The following ZDHHC7 variants were observed in gnomAD, a reference collection of about 807,000 sequenced individuals.
ZDHHC7 encodes the protein zDHHC palmitoyltransferase 7, also known as palmitoyltransferase ZDHHC7.
ZDHHC7 carries 12 observed loss-of-function variants against 34.1 expected under a neutral mutation model. The ratio of observed to expected loss-of-function variants is 0.35; its 90% CI spans 0.23 to 0.57. The LOEUF is 0.57. Ranked by LOEUF, ZDHHC7 falls within the 20% of genes least tolerant of loss-of-function variation. The pLI, the probability that ZDHHC7 is intolerant of heterozygous loss-of-function variation, is 0.84. For synonymous variants in ZDHHC7, 185 were observed against 155.4 expected, an observed-to-expected ratio of 1.19 and a Z score of -1.42; for missense variants, 388 against 402.7, an observed-to-expected ratio of 0.96 and a Z score of 0.31.
chr16:84,989,009 A>G, intron 3 of ZDHHC7: 2 of 856,710 alleles, frequency 2.3e-6, no homozygotes, highest in Admixed American at 2.2e-5. Flanking sequence ...GAGAGGGCGG[A>G]GACACACAGG....
chr16:84,993,373 T>C (rs2072534939), intron 2 of ZDHHC7, among the ~76,000 whole-genome samples: 1 of 152,076 alleles, frequency 6.6e-6, no homozygotes, highest in Admixed American at 6.6e-5. Flanking sequence ...GGCTTACACC[T>C]GTAATCTCAG....
intron 1 of ZDHHC7, among the ~76,000 whole-genome samples, chr16:84,997,905 A>AAAC: frequency 6.7e-6 from 1 of 150,102 alleles, no homozygotes; most frequent in South Asian, 2.1e-4. Context: ...TAAAAAAAAA[A>AAAC]AAAAAAAAAA....
intron 3 of ZDHHC7, among the ~76,000 whole-genome samples, chr16:84,983,421 C>T (rs2072396058): frequency 6.6e-6 from 1 of 152,130 alleles, no homozygotes; most frequent in Admixed American, 6.5e-5. Context: ...AGCAGGTGAG[C>T]GCCCTGCAGA....
the ZDHHC7 span, among the ~76,000 whole-genome samples, chr16:85,019,735 A>T: frequency 4.6e-5 from 7 of 152,062 alleles, no homozygotes; most frequent in Admixed American, 4.6e-4. Context: ...TAAATAATAA[A>T]AACTTTTGAA....
chr16:85,007,422 C>CAAAAA (rs138373927), intron 1 of ZDHHC7, among the ~76,000 whole-genome samples: 1 of 85,500 alleles, frequency 1.2e-5, no homozygotes. Flanking sequence ...TACTCCATCT[C>CAAAAA]AAAAAAAAAA....
At chr16:85,005,392 G>C (rs2072705428) in intron 1 of ZDHHC7, among the ~76,000 whole-genome samples, 1 of 152,208 alleles carries the variant, frequency 6.6e-6, no homozygotes, top group Non-Finnish European at 1.5e-5. Flanking sequence ...TGAGAAGAAA[G>C]GCTATTTACT....
At chr16:85,006,182 C>T (rs2072714720) in intron 1 of ZDHHC7, among the ~76,000 whole-genome samples, 1 of 151,790 alleles carries the variant, frequency 6.6e-6, no homozygotes, top group African/African-American at 2.4e-5. Flanking sequence ...CATAGCGAGA[C>T]CCTATCTCTA....
At position 84,990,364 on chromosome 16, in the gene ZDHHC7, G is replaced by C. The variant is rs2072492839; in HGVS notation, c.255C>G (p.Ile85Met). ...DFWYSVVNGV[I>M]FNCLAVLALS... ...GGGCAAGCACGGCCAAGCAGTTAAA[G>C]ATGACCCCGTTGACCACAGAGTACC... is the stretch of plus-strand genomic sequence containing the variant. The change falls in exon 3 of 8, where the codon ATC becomes ATG. Residue 85 changes from isoleucine to methionine, a missense_variant. Ile to Met is a conservative substitution (Grantham distance 10). Coordinates refer to ENST00000313732, the MANE Select transcript of ZDHHC7 (RefSeq NM_017740.3). 10 of 1,614,152 alleles carry C rather than the reference G, an allele frequency of 6.2e-6. No homozygotes were observed. The highest frequency in any genetic ancestry group is 8.5e-6 in the Non-Finnish European group (10 of 1,180,030).
chr16:85,014,214 T>C (rs1372839774), upstream of ZDHHC7, among the ~76,000 whole-genome samples: 2 of 152,156 alleles, frequency 1.3e-5, no homozygotes, highest in Non-Finnish European at 2.9e-5. Context: ...TTATTCAAGC[T>C]CAAAGTTTCA....
chr16:85,003,655 G>T (rs889621305), intron 1 of ZDHHC7, among the ~76,000 whole-genome samples: 4 of 152,140 alleles, frequency 2.6e-5, no homozygotes, highest in African/African-American at 9.7e-5. Flanking sequence ...AGATCTCAAT[G>T]ATATGCTGGC....
the ZDHHC7 span, among the ~76,000 whole-genome samples, chr16:85,025,389 G>A: frequency 2.0e-5 from 3 of 150,894 alleles, no homozygotes. Context: ...CAACCCCAGA[G>A]CCTTTTATGT....
At position 84,988,674 on chromosome 16, in the gene ZDHHC7, G is replaced by C. The variant is rs1231082701; in HGVS notation, c.315+1630C>G. On this transcript the variant is annotated intron_variant, in intron 3 of 7. Coordinates refer to ENST00000313732, the MANE Select transcript of ZDHHC7 (RefSeq NM_017740.3). ...TAGAGTCTGAGCGCAGAGGAGGAAG[G>C]GGCAAGTGCGCTTGTCAGCAAAGAG... is the stretch of plus-strand genomic sequence containing the variant. 2.7e-6 allele frequency: 3 copies of C among 1,124,560 alleles called. No homozygotes were observed. In the East Asian group the frequency reaches 7.8e-5, roughly 29 times the overall value. 69.7% of individuals were successfully genotyped at this position (1,124,560 alleles called of 1,614,324 possible).
intron 1 of ZDHHC7, among the ~76,000 whole-genome samples, chr16:85,010,179 C>G (rs2072772251): frequency 6.6e-6 from 1 of 151,210 alleles, no homozygotes; most frequent in Non-Finnish European, 1.5e-5. Flanking sequence ...ACCACCATAT[C>G]CGGCTAATTT....
chr16:85,027,358 G>C, the ZDHHC7 span, among the ~76,000 whole-genome samples: 1 of 152,140 alleles, frequency 6.6e-6, no homozygotes, highest in African/African-American at 2.4e-5. Context: ...CGTAACTAGG[G>C]GATAGGGAGG....
At chr16:84,998,796 C>T (rs79030437) in intron 1 of ZDHHC7, among the ~76,000 whole-genome samples, 12,701 of 148,288 alleles carry the variant, frequency 0.086, 775 homozygotes, top group African/African-American at 0.16. Flanking sequence ...CTCCTTTGCC[C>T]AGGCTGGAGT....
the ZDHHC7 span, among the ~76,000 whole-genome samples, chr16:85,027,377 C>G: frequency 2.6e-5 from 4 of 152,120 alleles, no homozygotes; most frequent in African/African-American, 9.7e-5. Flanking sequence ...GGGTAACTGA[C>G]ACGGCTGTTT....
chr16:85,010,721 C>G (rs928081483), intron 1 of ZDHHC7, among the ~76,000 whole-genome samples: 2 of 152,198 alleles, frequency 1.3e-5, no homozygotes, highest in African/African-American at 2.4e-5. Flanking sequence ...GGAACCACAC[C>G]AGGAGAGGTG....
intron 3 of ZDHHC7, chr16:84,982,208 G>A (rs183481952): frequency 4.5e-5 from 19 of 424,100 alleles, no homozygotes; most frequent in East Asian, 2.2e-4. Flanking sequence ...AGCCAGGCGC[G>A]GTGGCAGGCG....
chr16:85,025,325 G>C, the ZDHHC7 span, among the ~76,000 whole-genome samples: 75 of 151,874 alleles, frequency 4.9e-4, no homozygotes, highest in Admixed American at 1.9e-3. Flanking sequence ...GCAGTGAAGA[G>C]TGGGAGAGAC....
Sources: gnomAD v4.1 joint callset for allele counts (sites outside exome capture counted in the v4.1 genomes callset) on GRCh38, gnomAD v4.1.1 for gene constraint, MANE v1.5 for transcripts, NCBI Gene and HGNC (gene_info 2026-07-23, HGNC 2026-07-21) for gene names.